The following DIPK1C variants were observed in gnomAD, a reference collection of about 807,000 sequenced individuals.
DIPK1C encodes familial non-conventional Alzheimer's dementia.
In DIPK1C, 33 loss-of-function variants were observed where a neutral mutation model predicts 28.0. The observed-to-expected ratio is 1.18, with a 90% CI of 0.89 to 1.58. The LOEUF is 1.58. Ranked by LOEUF, DIPK1C falls within the 40% of genes most tolerant of loss-of-function variation. The pLI is 0.00. For missense variants in DIPK1C, 569 were observed against 568.5 expected (o/e 1.00, Z -0.01); for synonymous variants, 255 against 248.8 (o/e 1.02, Z -0.23).
rs963591071 is a variant in DIPK1C, at chr18:74,436,330, C to G, written c.*171G>C. 1 of 660,148 alleles carries G rather than the reference C, an allele frequency of 1.5e-6. No homozygotes were observed. The highest frequency in any genetic ancestry group is 2.5e-6 in the Non-Finnish European group (1 of 395,018). 40.9% of individuals were successfully genotyped at this position (660,148 alleles called of 1,614,324 possible). On this transcript the variant is annotated 3_prime_UTR_variant, in exon 4 of 4. Coordinates refer to ENST00000343998, the MANE Select transcript of DIPK1C (RefSeq NM_001044369.3). ...CGACAGGTCAGAGGCCAGGGTGGGA[C>G]GAGAGCGAGGGAGCACTGTCTCTGG...
Position 74,457,173 on chromosome 18 carries a change from G to C in DIPK1C, c.87C>G (p.Ala29=). The C allele has an allele frequency of 2.2e-6, 3 of 1,364,048 alleles. No homozygotes were observed. Among genetic ancestry groups the C allele is most frequent in the Non-Finnish European group, 2.8e-6 (3 of 1,061,926 alleles). The allele number at this position is 1,364,048 out of a possible 1,614,324, so 84.5% of individuals were successfully genotyped here. The change falls in exon 1 of 4, where the codon GCC becomes GCG. Residue 29 remains alanine, a synonymous_variant. Transcript: ENST00000343998. ...CCAGCACCCAGCCCGCGGTCCACGC[G>C]GCGAAGGCGAGGAGCGTGCCCCGCC... ...RCGRGTLLAF[A]AWTAGWVLAA...
At chr18:74,462,720 C>T (rs1229917348), upstream of DIPK1C, among the ~76,000 whole-genome samples, 2 of 151,498 alleles carry the variant, frequency 1.3e-5, no homozygotes, top group African/African-American at 4.8e-5. Flanking sequence ...CACCATTTGA[C>T]ATTCCTATCA....
chr18:74,441,678 G>T (rs1388806094), intron 3 of DIPK1C, among the ~76,000 whole-genome samples: 1 of 152,104 alleles, frequency 6.6e-6, no homozygotes, highest in African/African-American at 2.4e-5. Flanking sequence ...GTAGATACGT[G>T]GGGTGGAGCC....
At chr18:74,452,674 G>A (rs1190308995) in intron 1 of DIPK1C, among the ~76,000 whole-genome samples, 1 of 152,082 alleles carries the variant, frequency 6.6e-6, no homozygotes, top group Non-Finnish European at 1.5e-5. Context: ...CTTGAGGCTG[G>A]GAGGTAGAGG....
intron 2 of DIPK1C, among the ~76,000 whole-genome samples, chr18:74,444,575 T>A (rs1481015291): frequency 6.6e-6 from 1 of 152,220 alleles, no homozygotes; most frequent in Non-Finnish European, 1.5e-5. Flanking sequence ...TCAATAGGTC[T>A]GGCGTGGCAT....
chr18:74,448,630 T>C (rs1179105332), intron 1 of DIPK1C, among the ~76,000 whole-genome samples: 8 of 152,132 alleles, frequency 5.3e-5, no homozygotes, highest in Non-Finnish European at 4.4e-5. Context: ...GAAGTGTGTG[T>C]GCACACCACA....
intron 1 of DIPK1C, among the ~76,000 whole-genome samples, chr18:74,455,275 T>C (rs185942259): frequency 6.6e-6 from 1 of 152,290 alleles, no homozygotes; most frequent in East Asian, 1.9e-4. Context: ...TAACCAAAGG[T>C]AAATGAAAAA....
Position 74,435,476 on chromosome 18 carries a change from A to T in DIPK1C, c.*1025T>A, listed in dbSNP as rs1015086807. 2.4e-4 allele frequency: 37 copies of T among 152,184 alleles called. No individual in the cohort carries two copies. Among genetic ancestry groups the T allele is most frequent in the African/African-American group, 8.7e-4 (36 of 41,440 alleles). The allele number at this position is 152,184 out of a possible 1,614,324, so 9.4% of individuals were successfully genotyped here. ...CCTATCACTTGGTCTTCAATCCATC[A>T]AAAGAAAGGTGCTGGTCTCTGGTCC... On this transcript the variant is annotated 3_prime_UTR_variant, in exon 4 of 4. Coordinates refer to ENST00000343998, the MANE Select transcript of DIPK1C (RefSeq NM_001044369.3).
chr18:74,456,021 T>G (rs1443457193), intron 1 of DIPK1C, among the ~76,000 whole-genome samples: 1 of 152,218 alleles, frequency 6.6e-6, no homozygotes, highest in Non-Finnish European at 1.5e-5. Flanking sequence ...GGCCCACCCA[T>G]ATGTAAGCAA....
chr18:74,459,117 G>C (rs1986579802), upstream of DIPK1C, among the ~76,000 whole-genome samples: 3 of 152,200 alleles, frequency 2.0e-5, no homozygotes, highest in Admixed American at 2.0e-4. Flanking sequence ...AGGAGAAAAA[G>C]AAATCTCAAC....
In DIPK1C at chr18:74,446,767, C is replaced by A; in HGVS notation, c.715G>T (p.Asp239Tyr). Residue 239 changes from aspartate (D) to tyrosine (Y), a missense_variant, in exon 2 of 4, where the codon GAC becomes TAC. Transcript: ENST00000343998. ...SPHHRALFPL[D>Y]RAPGAPGGGQ... is the part of the protein sequence containing the mutation. ...CCCCCAGGGGCACCTGGGGCCCGGT[C>A]CAGGGGGAAGAGTGCCCTGTGGTGG... The A allele has an allele frequency of 6.6e-7, 1 of 1,518,966 alleles. No homozygotes were observed. Among genetic ancestry groups the A allele is most frequent in the Non-Finnish European group, 8.8e-7 (1 of 1,131,158 alleles). 94.1% of individuals were successfully genotyped at this position (1,518,966 alleles called of 1,614,324 possible).
chr18:74,440,228 A>G (rs1986091469), intron 3 of DIPK1C, among the ~76,000 whole-genome samples: 1 of 152,174 alleles, frequency 6.6e-6, no homozygotes, highest in Non-Finnish European at 1.5e-5. Flanking sequence ...ATGGGATCGT[A>G]TTGTAAATAT....
intron 1 of DIPK1C, 121 bp downstream of exon 1, chr18:74,456,941 A>G (rs1017051343): frequency 2.8e-5 from 30 of 1,068,788 alleles, no homozygotes; most frequent in Non-Finnish European, 3.7e-5. Context: ...AGGTGTCGGG[A>G]ACCCATGTCC....
At chr18:74,460,123 G>T (rs1308344002), upstream of DIPK1C, among the ~76,000 whole-genome samples, 1 of 152,192 alleles carries the variant, frequency 6.6e-6, no homozygotes. Flanking sequence ...TGCTGAAGGG[G>T]AGGCCAGCCC....
chr18:74,460,061 A>G (rs2144538088), upstream of DIPK1C, among the ~76,000 whole-genome samples: 1 of 152,256 alleles, frequency 6.6e-6, no homozygotes, highest in East Asian at 1.9e-4. Context: ...TTGGGCTGAG[A>G]TGGCCAGGCT....
rs1315791399 is a variant in DIPK1C at position 74,435,429 on chromosome 18, C to T, written c.*1072G>A. The T allele has an allele frequency of 6.6e-6, 1 of 152,208 alleles. No individual in the cohort carries two copies. Among genetic ancestry groups the T allele is most frequent in the African/African-American group, 2.4e-5 (1 of 41,444 alleles). The allele number at this position is 152,208 out of a possible 1,614,324, so 9.4% of individuals were successfully genotyped here. A position where few individuals can be genotyped will look rare whatever the true frequency, so the allele number is the denominator to read the frequency against. ...TTGGGATCACCACTGATGAGCGTATCATGCCACCATAGGATTTGATGCCTA... is the reference window on the plus strand; with the variant it reads ...TTGGGATCACCACTGATGAGCGTATTATGCCACCATAGGATTTGATGCCTA... On this transcript the variant is annotated 3_prime_UTR_variant, in exon 4 of 4. Coordinates refer to ENST00000343998, the MANE Select transcript of DIPK1C (RefSeq NM_001044369.3).
Position 74,447,046 on chromosome 18 carries a change from C to T in DIPK1C, c.436G>A (p.Glu146Lys), listed in dbSNP as rs985501273. The change falls in exon 2 of 4, where the codon GAA becomes AAA. Residue 146 changes from glutamate to lysine, a missense_variant. Transcript: ENST00000343998. The surrounding 1 kb of genome is among the most constrained non-coding windows in gnomAD (Gnocchi z 4.1). ...TCCCCAGCCACCATCAGGAGGAGTT[C>T]GGCCTCGGGCATGTCCTGGCCACCC... ...GEGGQDMPEA[E>K]LLLMVAGEVK... is the part of the protein sequence containing the mutation. 5.8e-6 allele frequency: 9 copies of T among 1,549,238 alleles called. No homozygotes were observed. The highest frequency in any genetic ancestry group is 4.9e-5 in the East Asian group (2 of 40,912).
chr18:74,463,611 C>T, the DIPK1C span, among the ~76,000 whole-genome samples: 2 of 152,086 alleles, frequency 1.3e-5, no homozygotes, highest in African/African-American at 2.4e-5. Flanking sequence ...GCACTGTCTT[C>T]AGGCAAGCGC....
At chr18:74,436,799 A>C in intron 3 of DIPK1C, 80 bp from the exon 4 acceptor site, 1 of 1,348,614 alleles carries the variant, frequency 7.4e-7, no homozygotes, top group Non-Finnish European at 1.0e-6. Flanking sequence ...TTGGTTCTGA[A>C]ACAGATTTCA....
Sources: gnomAD v4.1 joint callset for allele counts (sites outside exome capture counted in the v4.1 genomes callset) on GRCh38, gnomAD v4.1.1 for gene constraint, Gnocchi (gnomAD v3.1) non-coding constraint, MANE v1.5 for transcripts, NCBI Gene and HGNC (gene_info 2026-07-23, HGNC 2026-07-21) for gene names.